Variants in WAPL observed in about 807,000 individuals in gnomAD.
The protein encoded by WAPL is wings apart-like protein homolog.
WAPL carries 5 observed loss-of-function variants against 121.0 expected under a neutral mutation model. That is an observed-to-expected ratio of 0.04 (90% CI 0.02 to 0.09). The LOEUF is 0.09. WAPL is among the 10% of genes least tolerant of loss of function. The pLI is 1.00. For missense variants in WAPL, 999 were observed against 1,410.8 expected (o/e 0.71, Z 4.68); for synonymous variants, 480 against 481.5 (o/e 1.00, Z 0.04).
intron 15 of WAPL, 120 bp downstream of exon 15, chr10:86,451,847 G>A: frequency 3.7e-6 from 4 of 1,091,764 alleles, no homozygotes; most frequent in Non-Finnish European, 5.2e-6. Flanking sequence ...GCCGGGGGAG[G>A]GGCAGAGAGG....
At chr10:86,474,292 T>C (rs1293172905) in intron 4 of WAPL, among the ~76,000 whole-genome samples, 4 of 152,016 alleles carry the variant, frequency 2.6e-5, no homozygotes, top group Admixed American at 6.6e-5. Context: ...GGCGGGTGGA[T>C]CACTTGAGGT....
chr10:86,510,476 A>G (rs539033623), intron 2 of WAPL, among the ~76,000 whole-genome samples: 1 of 152,362 alleles, frequency 6.6e-6, no homozygotes, highest in Non-Finnish European at 1.5e-5. Flanking sequence ...GTTCTTTATC[A>G]TGACCAGCAG....
At chr10:86,440,021 A>T (rs1849421928) in intron 17 of WAPL, among the ~76,000 whole-genome samples, 1 of 152,220 alleles carries the variant, frequency 6.6e-6, no homozygotes, top group Admixed American at 6.5e-5. Context: ...TAATCATAAT[A>T]ATCTCCAAGG....
intron 1 of WAPL, among the ~76,000 whole-genome samples, chr10:86,520,828 G>C (rs1291573779): frequency 6.7e-6 from 1 of 148,254 alleles, no homozygotes; most frequent in Non-Finnish European, 1.5e-5. Context: ...CCCTAATCTA[G>C]CGTCTTCCCG....
At chr10:86,481,506 T>C (rs956562454) in intron 4 of WAPL, among the ~76,000 whole-genome samples, 5 of 152,138 alleles carry the variant, frequency 3.3e-5, no homozygotes, top group African/African-American at 9.7e-5. Context: ...CCCGAGTAGC[T>C]GGGATTACAG....
intron 1 of WAPL, among the ~76,000 whole-genome samples, chr10:86,520,663 T>C (rs2132238939): frequency 6.7e-6 from 1 of 149,616 alleles, no homozygotes; most frequent in East Asian, 2.0e-4. Flanking sequence ...AAGACTGTCC[T>C]AACTAAAAAG....
chr10:86,489,835 T>A (rs1483959177), intron 4 of WAPL, among the ~76,000 whole-genome samples: 1 of 140,900 alleles, frequency 7.1e-6, no homozygotes, highest in Non-Finnish European at 1.5e-5. Flanking sequence ...AGCCAGAAAA[T>A]CCAGATACTC....
In WAPL at chr10:86,499,724, T is replaced by C. The variant is rs754049466; in HGVS notation, c.1519A>G (p.Asn507Asp). ...ATATTTTTTAAATTCTTACCTGCAT[T>C]GTTAGTACCAGACTGACTGTCCTGG... Reference protein sequence around the residue: ...NSQDSQSGTNNAENLDFTEDL... With the variant: ...NSQDSQSGTNDAENLDFTEDL... The change falls in exon 3 of 19, where the codon AAT (asparagine) becomes GAT (aspartate). Residue 507 changes from asparagine (N) to aspartate (D), a missense_variant. Physicochemically the swap from Asn to Asp is conservative, Grantham distance 23. Around this residue, in one of 7 missense-constraint regions of WAPL, gnomAD observed 531 missense variants for 563.1 expected, o/e 0.94. Transcript: ENST00000298767. 3.2e-6 allele frequency: 5 copies of C among 1,558,552 alleles called. No homozygotes were observed. The East Asian group carries it at 6.7e-5, about 21-fold the overall frequency.
At chr10:86,438,658 G>A (rs952769137) in intron 17 of WAPL, among the ~76,000 whole-genome samples, 3 of 152,156 alleles carry the variant, frequency 2.0e-5, no homozygotes, top group Admixed American at 2.0e-4. Context: ...AGAGGGTGAG[G>A]ACTTTAGACC....
intron 2 of WAPL, among the ~76,000 whole-genome samples, chr10:86,510,890 C>A (rs181579650): frequency 6.6e-6 from 1 of 152,102 alleles, no homozygotes; most frequent in African/African-American, 2.4e-5. Context: ...AGGCTGTGAC[C>A]CAATCATGGC....
intron 17 of WAPL, among the ~76,000 whole-genome samples, chr10:86,442,086 G>A (rs1455340725): frequency 6.6e-6 from 1 of 152,156 alleles, no homozygotes; most frequent in Non-Finnish European, 1.5e-5. Context: ...AAGTGCAGTG[G>A]CACGATCTTG....
rs1841546661 is a variant in WAPL at position 86,472,141 on chromosome 10, C to T, written c.2030+67G>A. 6.9e-7 allele frequency: 1 copy of T among 1,447,636 alleles called. No individual in the cohort carries two copies. Among genetic ancestry groups the T allele is most frequent in the Admixed American group, 2.7e-5 (1 of 37,582 alleles). 89.7% of individuals were successfully genotyped at this position (1,447,636 alleles called of 1,614,324 possible). ...AATAAAAAATGTTTGGCTTTTTGGA[C>T]AACACCTAGTTGAAAAAATTTAATA... On this transcript the variant is annotated intron_variant, in intron 7 of 18. Coordinates refer to ENST00000298767, the MANE Select transcript of WAPL (RefSeq NM_015045.5). The surrounding 1 kb of genome is among the most constrained non-coding windows in gnomAD (Gnocchi z 4.2).
intron 16 of WAPL, chr10:86,444,172 G>A (rs919142587): frequency 6.6e-6 from 1 of 152,196 alleles, no homozygotes; most frequent in Non-Finnish European, 1.5e-5. Context: ...GAGATATCAT[G>A]TCACGCCCAC....
At position 86,500,760 on chromosome 10, in the gene WAPL, A is replaced by G; in HGVS notation, c.500-17T>C. Reference sequence around the variant, plus strand: ...CCACTTTATCTGTAAAAATAAGTCAAAGGATAAAAACATGAGTGGTATCAA... The same window carrying G: ...CCACTTTATCTGTAAAAATAAGTCAGAGGATAAAAACATGAGTGGTATCAA... On this transcript the variant is annotated splice_polypyrimidine_tract_variant and intron_variant, in intron 2 of 18. Coordinates refer to ENST00000298767, the MANE Select transcript of WAPL (RefSeq NM_015045.5). 1 of 1,530,604 alleles carries G rather than the reference A, an allele frequency of 6.5e-7. No individual in the cohort carries two copies. The allele number at this position is 1,530,604 out of a possible 1,614,324, so 94.8% of individuals were successfully genotyped here.
In WAPL at chr10:86,499,698, C is replaced by T. The variant is rs371720307; in HGVS notation, c.1525+20G>A. 2 of 1,534,822 alleles carry T rather than the reference C, an allele frequency of 1.3e-6. No homozygotes were observed. The highest frequency in any genetic ancestry group is 1.4e-5 in the African/African-American group (1 of 72,026). On this transcript the variant is annotated intron_variant, in intron 3 of 18. Coordinates refer to ENST00000298767, the MANE Select transcript of WAPL (RefSeq NM_015045.5). ...AGGGGGAACTATTGTACTTATTATA[C>T]ATATTTTTTAAATTCTTACCTGCAT...
At chr10:86,444,547 T>C (rs1268149251) in intron 16 of WAPL, among the ~76,000 whole-genome samples, 1 of 152,176 alleles carries the variant, frequency 6.6e-6, no homozygotes, top group Non-Finnish European at 1.5e-5. Context: ...AACATTCTGC[T>C]GGCTGAAAGA....
At chr10:86,459,144 C>G (rs901140507) in intron 11 of WAPL, 79 bp from the exon 12 acceptor site, 6 of 1,130,002 alleles carry the variant, frequency 5.3e-6, no homozygotes, top group South Asian at 3.0e-5. Context: ...CTGCCTGGTG[C>G]GTAAAAGATA....
At chr10:86,474,008 C>G in intron 4 of WAPL, 35 bp from the exon 5 acceptor site, 1 of 1,539,880 alleles carries the variant, frequency 6.5e-7, no homozygotes, top group Non-Finnish European at 9.0e-7. Context: ...CTGCTTCCAT[C>G]CTTATAAAAG....
intron 1 of WAPL, among the ~76,000 whole-genome samples, chr10:86,520,919 G>A (rs1842662889): frequency 6.6e-6 from 1 of 152,120 alleles, no homozygotes; most frequent in Non-Finnish European, 1.5e-5. Context: ...CCTCACCTGG[G>A]GACAGCCGGG....
Sources: gnomAD v4.1 joint callset for allele counts (sites outside exome capture counted in the v4.1 genomes callset) on GRCh38, gnomAD v4.1.1 for gene constraint, gnomAD v4.1.1 regional missense constraint, Gnocchi (gnomAD v3.1) non-coding constraint, MANE v1.5 for transcripts, NCBI Gene and HGNC (gene_info 2026-07-23, HGNC 2026-07-21) for gene names.